Variants in DST observed in about 807,000 individuals in gnomAD.
DST encodes the protein dystonin.
Under a neutral mutation model 875.2 loss-of-function variants are expected in DST, and 253 were observed. That is an observed-to-expected ratio of 0.29 (90% CI 0.26 to 0.32). The LOEUF (loss-of-function observed/expected upper bound fraction) is 0.32, where lower values mean the gene tolerates loss of function less well. DST is among the 10% of genes least tolerant of loss of function. DST has a pLI of 1.00. For synonymous variants in DST, 3,124 were observed against 3,197.1 expected (o/e 0.98, Z 0.77); for missense variants, 8,287 against 9,111.6 (o/e 0.91, Z 3.68).
chr6:56,844,766 G>A (rs2099805245), intron 4 of DST, among the ~76,000 whole-genome samples: 1 of 151,826 alleles, frequency 6.6e-6, no homozygotes, highest in Non-Finnish European at 1.5e-5. Flanking sequence ...CCAGCTACTC[G>A]GGAGGTTGAG....
At chr6:56,843,712 T>C in intron 4 of DST, 1 of 424,400 alleles carries the variant, frequency 2.4e-6, no homozygotes, top group Non-Finnish European at 2.7e-6. Context: ...GGGAGGAGGG[T>C]GGAGGGTGGA....
At chr6:56,895,039 C>T (rs1375437213) in intron 3 of DST, among the ~76,000 whole-genome samples, 1 of 113,402 alleles carries the variant, frequency 8.8e-6, no homozygotes, top group South Asian at 2.4e-4. Context: ...GGTTGACCCC[C>T]CACCTCCCTC....
At chr6:56,881,183 A>G (rs1026628708) in intron 3 of DST, among the ~76,000 whole-genome samples, 8 of 152,010 alleles carry the variant, frequency 5.3e-5, no homozygotes, top group Non-Finnish European at 1.2e-4. Context: ...ATATATACCT[A>G]AAGAAATAAG....
rs558087009 is a variant in DST, at chr6:56,755,348, G to C, written c.626-20059C>G. 1.4e-4 allele frequency among the ~76,000 whole-genome samples: 22 copies of C among 152,196 alleles called. No individual in the cohort carries two copies. The South Asian group carries it at 4.6e-3, about 32-fold the overall frequency. Reference sequence around the variant, plus strand: ...GTAAAATTTAAGAAGACAATTGTAGGTAGCAGTAGCAGAAATACACAAATG... The same window carrying C: ...GTAAAATTTAAGAAGACAATTGTAGCTAGCAGTAGCAGAAATACACAAATG... On this transcript the variant is annotated intron_variant, in intron 4 of 103. Transcript: ENST00000680361.
At chr6:56,706,662 T>G (rs35206656) in intron 5 of DST, among the ~76,000 whole-genome samples, 34,292 of 152,090 alleles carry the variant, frequency 0.23, 4,330 homozygotes, top group African/African-American at 0.32. Context: ...AGGCATTGGA[T>G]TCTCATAAAG....
In DST at chr6:56,494,087, C is replaced by T. The variant is rs2152444143; in HGVS notation, c.20317G>A (p.Glu6773Lys). 1 of 1,611,636 alleles carries T rather than the reference C, an allele frequency of 6.2e-7. No homozygotes were observed. Among genetic ancestry groups the T allele is most frequent in the Non-Finnish European group, 8.5e-7 (1 of 1,178,468 alleles). ...TTTATGTCTTGGTCAATATTTGTCT[C>T]TGCAGATTTTGGGCATCTTGCAAGC... ...QMLARCPKSA[E>K]TNIDQDINNL... Residue 6773 changes from glutamate (E) to lysine (K), a missense_variant, in exon 83 of 104, where the codon GAG becomes AAG. Physicochemically the swap from Glu to Lys is moderately conservative, Grantham distance 56. This residue lies in a region of DST where 1,292 missense variants were observed against 1,552.7 expected (regional missense o/e 0.83). Transcript: ENST00000680361.
chr6:56,642,700 T>C, intron 15 of DST, 197 bp from the exon 16 acceptor site: 1 of 1,614,130 alleles, frequency 6.2e-7, no homozygotes, highest in Non-Finnish European at 8.5e-7. Context: ...CAAGAGAAGA[T>C]TTTCATTTGA....
chr6:56,634,645 C>T, intron 25 of DST, 29 bp from the exon 26 acceptor site: 2 of 1,613,558 alleles, frequency 1.2e-6, no homozygotes, highest in South Asian at 1.1e-5. Flanking sequence ...CAGAATAACT[C>T]AATGAGGTCA....
chr6:56,896,300 G>A (rs1394852355), intron 3 of DST, among the ~76,000 whole-genome samples: 1 of 152,084 alleles, frequency 6.6e-6, no homozygotes, highest in Non-Finnish European at 1.5e-5. Context: ...ATTCAATCAT[G>A]GGGGTCGGTC....
intron 49 of DST, among the ~76,000 whole-genome samples, chr6:56,580,250 T>C (rs1337974675): frequency 1.3e-5 from 2 of 152,108 alleles, no homozygotes; most frequent in Non-Finnish European, 2.9e-5. Flanking sequence ...GAGCAAAATA[T>C]AAGTAAAGTA....
intron 3 of DST, among the ~76,000 whole-genome samples, chr6:56,879,747 AC>A (rs1281955911): frequency 1.3e-5 from 2 of 152,146 alleles, no homozygotes; most frequent in Non-Finnish European, 2.9e-5. Context: ...TAAAGTTATG[AC>A]CCCCATTCTA....
In DST at chr6:56,769,648, T is replaced by C. The variant is rs368717193; in HGVS notation, c.626-34359A>G. Among the ~76,000 whole-genome samples, 7 of 152,142 alleles carry C rather than the reference T, an allele frequency of 4.6e-5. 1 individual carries two copies. The highest frequency in any genetic ancestry group is 2.6e-4 in the Admixed American group (4 of 15,284). ...CTGGGCAACATGGCAAAACCCCATC[T>C]CTACAAAAAAACACAAAAACTAGCC... On this transcript the variant is annotated intron_variant, in intron 4 of 103. Transcript: ENST00000680361.
chr6:56,925,945 C>T (rs1340233289), intron 2 of DST, among the ~76,000 whole-genome samples: 5 of 152,172 alleles, frequency 3.3e-5, no homozygotes, highest in African/African-American at 1.2e-4. Flanking sequence ...TACTATAAAG[C>T]TACCAGAGGA....
intron 4 of DST, among the ~76,000 whole-genome samples, chr6:56,815,579 T>G (rs570511934): frequency 6.6e-6 from 1 of 152,292 alleles, no homozygotes; most frequent in Admixed American, 6.5e-5. Context: ...ACATGCCCTT[T>G]AAAGATGATC....
At chr6:56,631,172 G>T (rs951546434) in intron 30 of DST, 39 bp downstream of exon 30, 2 of 1,174,716 alleles carry the variant, frequency 1.7e-6, no homozygotes, top group Non-Finnish European at 1.2e-6. Flanking sequence ...AATGAGAGTT[G>T]TATGAAGCAA....
At chr6:56,482,654 C>A in intron 89 of DST, 29 bp downstream of exon 89, 2 of 1,594,192 alleles carry the variant, frequency 1.3e-6, no homozygotes, top group Non-Finnish European at 1.7e-6. Flanking sequence ...TTTCCCATTA[C>A]ACCCAGCTCT....
At chr6:56,908,480 A>G (rs1797428901) in intron 2 of DST, among the ~76,000 whole-genome samples, 1 of 152,248 alleles carries the variant, frequency 6.6e-6, no homozygotes, top group South Asian at 2.1e-4. Flanking sequence ...AAAAGTCATC[A>G]TAGATTTAAA....
chr6:56,920,363 T>C (rs1471854016), intron 2 of DST, among the ~76,000 whole-genome samples: 1 of 152,214 alleles, frequency 6.6e-6, no homozygotes, highest in Non-Finnish European at 1.5e-5. Flanking sequence ...ATATATCACC[T>C]CTACTTATAT....
At chr6:56,929,990 A>G (rs1809302025) in intron 2 of DST, among the ~76,000 whole-genome samples, 1 of 152,242 alleles carries the variant, frequency 6.6e-6, no homozygotes, top group African/African-American at 2.4e-5. Context: ...GTCTTATTCA[A>G]CTTGATTGTA....
Sources: gnomAD v4.1 joint callset for allele counts (sites outside exome capture counted in the v4.1 genomes callset) on GRCh38, gnomAD v4.1.1 for gene constraint, gnomAD v4.1.1 regional missense constraint, MANE v1.5 for transcripts, NCBI Gene and HGNC (gene_info 2026-07-23, HGNC 2026-07-21) for gene names.